The following TAF3 variants were observed in gnomAD, a reference collection of about 807,000 sequenced individuals.
TAF3 encodes the protein TATA-box binding protein associated factor 3.
TAF3 carries 7 observed loss-of-function variants against 80.6 expected under a neutral mutation model. The ratio of observed to expected loss-of-function variants is 0.09; its 90% CI spans 0.05 to 0.16. The LOEUF is 0.16. Among genes scored for constraint, TAF3 ranks in the 10% least tolerant of loss-of-function variants. The pLI, the probability that TAF3 is intolerant of heterozygous loss-of-function variation, is 1.00. For synonymous variants in TAF3, 444 were observed against 446.1 expected (o/e 1.00, Z 0.06); for missense variants, 921 against 1,140.2 (o/e 0.81, Z 2.77).
intron 5 of TAF3, among the ~76,000 whole-genome samples, chr10:8,010,880 C>T (rs1040669146): frequency 2.6e-5 from 4 of 152,064 alleles, no homozygotes; most frequent in Non-Finnish European, 5.9e-5. Context: ...TGCTCTCTAG[C>T]CTGAGGGACA....
intron 2 of TAF3, among the ~76,000 whole-genome samples, chr10:7,881,387 G>A (rs1049627834): frequency 1.5e-4 from 22 of 151,428 alleles, no homozygotes; most frequent in African/African-American, 4.9e-4. Context: ...CTTTAATGCC[G>A]CCTCCAAGTC....
intron 2 of TAF3, among the ~76,000 whole-genome samples, chr10:7,894,917 C>A (rs768250638): frequency 5.9e-5 from 9 of 152,084 alleles, no homozygotes; most frequent in Non-Finnish European, 1.3e-4. Flanking sequence ...ACTCTGCCAC[C>A]CAGGCTGGAG....
chr10:7,852,359 A>G (rs1240773923), intron 2 of TAF3, among the ~76,000 whole-genome samples: 1 of 152,252 alleles, frequency 6.6e-6, no homozygotes, highest in East Asian at 1.9e-4. Flanking sequence ...ATTAGGGTCC[A>G]AATAACATCC....
At chr10:7,863,722 C>CACACATAT (rs763703038) in intron 2 of TAF3, among the ~76,000 whole-genome samples, 1 of 79,152 alleles carries the variant, frequency 1.3e-5, no homozygotes, top group East Asian at 3.7e-4. Flanking sequence ...TATATATACA[C>CACACATAT]ATATATATAT....
intron 2 of TAF3, among the ~76,000 whole-genome samples, chr10:7,885,153 G>A (rs1002508628): frequency 6.6e-6 from 1 of 151,948 alleles, no homozygotes; most frequent in Non-Finnish European, 1.5e-5. Flanking sequence ...AAAATAGATA[G>A]TGGTGATGGT....
At chr10:7,824,799 A>C (rs569637325) in intron 2 of TAF3, among the ~76,000 whole-genome samples, 1 of 152,346 alleles carries the variant, frequency 6.6e-6, no homozygotes, top group African/African-American at 2.4e-5. Flanking sequence ...GTTCAAGTAG[A>C]GGAAAACAGT....
chr10:7,936,866 C>T lies in TAF3; in HGVS notation c.410-27054C>T, dbSNP rs540937822. On this transcript the variant is annotated intron_variant, in intron 2 of 6. Coordinates refer to ENST00000344293, the MANE Select transcript of TAF3 (RefSeq NM_031923.4). ...CTCCCTCCCTGTACCCGCTGGCATC[C>T]ATTGATTTTTTTTTTTGGAAACTGT... is the stretch of plus-strand genomic sequence containing the variant. Among the ~76,000 whole-genome samples, 12 of 152,126 alleles carry T rather than the reference C, an allele frequency of 7.9e-5. No homozygotes were observed. In the East Asian group the frequency reaches 9.7e-4, roughly 12 times the overall value.
chr10:8,009,366 C>A lies in TAF3; in HGVS notation c.2568+36C>A. On this transcript the variant is annotated intron_variant, in intron 5 of 6. Transcript: ENST00000344293. The surrounding 1 kb of genome is among the most constrained non-coding windows in gnomAD (Gnocchi z 4.1). The stretch of plus-strand genomic sequence containing the variant: ...GCCGCCCGCGCGGTTAGCATGGAGA[C>A]GTTTTCAGATCGAGACAAGTGTGTG... The A allele has an allele frequency of 6.4e-7, 1 of 1,573,282 alleles. No individual in the cohort carries two copies. Among genetic ancestry groups the A allele is most frequent in the Non-Finnish European group, 8.6e-7 (1 of 1,158,464 alleles).
chr10:7,878,600 A>T (rs118104510), intron 2 of TAF3, among the ~76,000 whole-genome samples: 1 of 152,304 alleles, frequency 6.6e-6, no homozygotes, highest in African/African-American at 2.4e-5. Flanking sequence ...TAAATCAGCT[A>T]TATTGGAAGG....
At chr10:7,987,439 G>A (rs563612249) in intron 4 of TAF3, among the ~76,000 whole-genome samples, 2 of 152,076 alleles carry the variant, frequency 1.3e-5, no homozygotes, top group South Asian at 4.2e-4. Flanking sequence ...TCATTTTACT[G>A]TTGTATCATC....
chr10:7,964,175 A>G lies in TAF3; in HGVS notation c.665A>G (p.Gln222Arg). 6.2e-7 allele frequency: 1 copy of G among 1,614,204 alleles called. No individual in the cohort carries two copies. The highest frequency in any genetic ancestry group is 8.5e-7 in the Non-Finnish European group (1 of 1,180,030). Residue 222 changes from glutamine (Q) to arginine (R), a missense_variant, in exon 3 of 7, where the codon CAA becomes CGA. Around this residue, in one of 6 missense-constraint regions of TAF3, gnomAD observed 743 missense variants for 821.0 expected, o/e 0.90. Transcript: ENST00000344293. The surrounding 1 kb of genome is among the most constrained non-coding windows in gnomAD (Gnocchi z 4.1). ...AREPLSSINT[Q>R]KIPPMLSPVH... ...GAGCCACTCAGCTCAATAAATACTC[A>G]AAAGATCCCACCAATGCTTTCTCCA...
chr10:7,957,789 AGC>A lies in TAF3; in HGVS notation c.410-6126_410-6125del, dbSNP rs1389134108. Among the ~76,000 whole-genome samples the A allele has an allele frequency of 3.2e-3, 361 of 111,812 alleles. 2 individuals are homozygous for A. Among genetic ancestry groups the A allele is most frequent in the Middle Eastern group, 0.015 (3 of 198 alleles). 73.4% of individuals were successfully genotyped at this position (111,812 alleles called of 152,430 possible). A position where few individuals can be genotyped will look rare whatever the true frequency, so the allele number is the denominator to read the frequency against. ...ATGCTGTCTGTCTCACGCTCTCTCT[AGC>A]GCGCTCTCTCTCTCTCTCTCTCTCT... On this transcript the variant is annotated intron_variant, in intron 2 of 6. Coordinates refer to ENST00000344293, the MANE Select transcript of TAF3 (RefSeq NM_031923.4).
intron 4 of TAF3, among the ~76,000 whole-genome samples, chr10:7,988,802 TTTTTA>T (rs1336819133): frequency 2.0e-5 from 3 of 151,444 alleles, no homozygotes; most frequent in Admixed American, 6.6e-5. Flanking sequence ...TTTTCTTTGT[TTTTTA>T]TTTTATTTAT....
intron 2 of TAF3, among the ~76,000 whole-genome samples, chr10:7,884,140 C>T (rs564402832): frequency 2.6e-5 from 4 of 152,220 alleles, no homozygotes; most frequent in African/African-American, 4.8e-5. Flanking sequence ...GACTGGGTTT[C>T]GACATGAGTT....
chr10:7,856,239 G>T (rs1837078283), intron 2 of TAF3, among the ~76,000 whole-genome samples: 1 of 152,168 alleles, frequency 6.6e-6, no homozygotes, highest in Non-Finnish European at 1.5e-5. Flanking sequence ...ACTTTGGGAG[G>T]CCGAGGCGGG....
At chr10:7,819,148 T>C (rs1836663575) in intron 1 of TAF3, among the ~76,000 whole-genome samples, 1 of 152,136 alleles carries the variant, frequency 6.6e-6, no homozygotes, top group African/African-American at 2.4e-5. Context: ...TCCTCCGCTC[T>C]GAATTGTGTC....
At chr10:7,955,829 G>A (rs1838130072) in intron 2 of TAF3, among the ~76,000 whole-genome samples, 1 of 152,104 alleles carries the variant, frequency 6.6e-6, no homozygotes, top group African/African-American at 2.4e-5. Flanking sequence ...TAGGGAGTGT[G>A]GATTATTTGT....
intron 2 of TAF3, among the ~76,000 whole-genome samples, chr10:7,933,931 CCTGGCAGCTG>C (rs1837892763): frequency 2.6e-5 from 4 of 152,300 alleles, no homozygotes; most frequent in African/African-American, 9.6e-5. Context: ...ACAGTCACTG[CCTGGCAGCTG>C]TCATGACATG....
chr10:7,957,680 T>TAAA (rs1357844767), intron 2 of TAF3, among the ~76,000 whole-genome samples: 1 of 152,156 alleles, frequency 6.6e-6, no homozygotes, highest in Non-Finnish European at 1.5e-5. Context: ...AGTCCTTTTC[T>TAAA]CCCGTTTCAG....
Sources: gnomAD v4.1 joint callset for allele counts (sites outside exome capture counted in the v4.1 genomes callset) on GRCh38, gnomAD v4.1.1 for gene constraint, gnomAD v4.1.1 regional missense constraint, Gnocchi (gnomAD v3.1) non-coding constraint, MANE v1.5 for transcripts, NCBI Gene and HGNC (gene_info 2026-07-23, HGNC 2026-07-21) for gene names.